Variants in N4BP2L2 observed in about 807,000 individuals in gnomAD.
N4BP2L2 encodes the protein NEDD4 binding protein 2 like 2, also known as NEDD4-binding protein 2-like 2.
In N4BP2L2, 50 loss-of-function variants were observed where a neutral mutation model predicts 56.2. That is an observed-to-expected ratio of 0.89 (90% CI 0.71 to 1.13). N4BP2L2 has a LOEUF of 1.13. Ranked by LOEUF, N4BP2L2 falls within the 50% of genes most tolerant of loss-of-function variation. N4BP2L2 has a pLI of 0.00. For synonymous variants in N4BP2L2, 203 were observed against 223.6 expected, an observed-to-expected ratio of 0.91 and a Z score of 0.82; for missense variants, 689 against 693.8, an observed-to-expected ratio of 0.99 and a Z score of 0.08.
intron 6 of N4BP2L2, chr13:32,480,511 G>T (rs1392191946): frequency 6.3e-6 from 5 of 797,608 alleles, no homozygotes; most frequent in East Asian, 6.6e-5. Context: ...ACAATAAAGA[G>T]ACTTTTTTCT....
chr13:32,452,785 A>G (rs2078312472), intron 6 of N4BP2L2, among the ~76,000 whole-genome samples: 1 of 152,250 alleles, frequency 6.6e-6, no homozygotes. Flanking sequence ...TATCATAAAC[A>G]TAATTTCTAA....
At chr13:32,506,495 T>C (rs1238168684), downstream of N4BP2L2, 1 of 152,196 alleles carries the variant, frequency 6.6e-6, no homozygotes, top group Non-Finnish European at 1.5e-5. Context: ...GCCACCATGC[T>C]AGCTGATGAC....
At chr13:32,462,839 C>CA (rs1215572453) in intron 6 of N4BP2L2, among the ~76,000 whole-genome samples, 1 of 113,618 alleles carries the variant, frequency 8.8e-6, no homozygotes, top group East Asian at 3.0e-4. Flanking sequence ...TCCTGGCCAA[C>CA]ATGGTGAAAC....
chr13:32,532,232 A>G (rs1225786536), intron 2 of N4BP2L2, among the ~76,000 whole-genome samples: 1 of 152,242 alleles, frequency 6.6e-6, no homozygotes, highest in African/African-American at 2.4e-5. Flanking sequence ...TATCCACAAT[A>G]ATCTGTAAAA....
chr13:32,537,050 A>G (rs749426746), intron 1 of N4BP2L2, 23 bp from the exon 2 acceptor site: 19 of 1,404,596 alleles, frequency 1.4e-5, no homozygotes, highest in Non-Finnish European at 1.8e-5. Flanking sequence ...TAAATCATAC[A>G]ATTACTAGCT....
intron 6 of N4BP2L2, among the ~76,000 whole-genome samples, chr13:32,500,857 AGTCTT>A (rs1187296128): frequency 6.8e-6 from 1 of 146,132 alleles, no homozygotes; most frequent in Non-Finnish European, 1.5e-5. Flanking sequence ...CTGTCACTTT[AGTCTT>A]TTCTTTTTTT....
intron 6 of N4BP2L2, among the ~76,000 whole-genome samples, chr13:32,447,347 C>T (rs1401425999): frequency 6.6e-6 from 1 of 151,820 alleles, no homozygotes; most frequent in African/African-American, 2.4e-5. Flanking sequence ...GAAAGCCAGA[C>T]TAGATGGCCC....
exon 3 of N4BP2L2, chr13:32,527,433 A>G: frequency 6.2e-7 from 1 of 1,614,042 alleles, no homozygotes; most frequent in Non-Finnish European, 8.5e-7. Flanking sequence ...AGTCATGGGC[A>G]TCACCAAGTT....
chr13:32,435,010 C>T (rs2075308984), intron 9 of N4BP2L2, among the ~76,000 whole-genome samples: 2 of 152,146 alleles, frequency 1.3e-5, no homozygotes, highest in Non-Finnish European at 2.9e-5. Context: ...ATGCTTGCTG[C>T]ATGCTGCTTG....
intron 6 of N4BP2L2, chr13:32,444,270 G>A: frequency 1.7e-6 from 1 of 592,822 alleles, no homozygotes; most frequent in Non-Finnish European, 2.6e-6. Flanking sequence ...TTCTTTGTTT[G>A]TTTGTTTGTT....
rs9567806 is a variant in N4BP2L2 at position 32,486,314 on chromosome 13, T to A, written c.365+31543A>T. ...AAATTGGAAAGAAAGAAGTAAAACA[T>A]GTCTATTTGCAGATAATAGGATCTC... On this transcript the variant is annotated intron_variant, in intron 6 of 9. Transcript: ENST00000357505. Among the ~76,000 whole-genome samples, 62 of 152,286 alleles carry A rather than the reference T, an allele frequency of 4.1e-4. 1 individual carries two copies. The East Asian group carries it at 9.1e-3, about 22-fold the overall frequency.
At chr13:32,448,625 C>A (rs1474983541) in intron 6 of N4BP2L2, among the ~76,000 whole-genome samples, 1 of 152,032 alleles carries the variant, frequency 6.6e-6, no homozygotes, top group African/African-American at 2.4e-5. Flanking sequence ...TGAACTGTGA[C>A]CTGATGACAA....
At chr13:32,524,011 T>G (rs2051883585) in intron 3 of N4BP2L2, 1 of 152,224 alleles carries the variant, frequency 6.6e-6, no homozygotes, top group Non-Finnish European at 1.5e-5. Flanking sequence ...TCTCAGGAGT[T>G]AGAATTCAAA....
intron 6 of N4BP2L2, among the ~76,000 whole-genome samples, chr13:32,448,073 G>A (rs998775956): frequency 6.6e-6 from 1 of 152,196 alleles, no homozygotes; most frequent in African/African-American, 2.4e-5. Context: ...CCAGAGACAT[G>A]TACCAGTTCT....
chr13:32,443,430 A>G (rs2076622882), exon 7 of N4BP2L2: 1 of 1,613,896 alleles, frequency 6.2e-7, no homozygotes, highest in Non-Finnish European at 8.5e-7. Flanking sequence ...CATCAGATAA[A>G]TTGGTTGTGA....
chr13:32,516,263 T>C (rs965286755), exon 6 of N4BP2L2: 1 of 152,214 alleles, frequency 6.6e-6, no homozygotes, highest in Non-Finnish European at 1.5e-5. Flanking sequence ...TAGATGAAGA[T>C]GTGTATATGT....
At chr13:32,529,140 A>G (rs748837845) in intron 2 of N4BP2L2, among the ~76,000 whole-genome samples, 3 of 152,250 alleles carry the variant, frequency 2.0e-5, no homozygotes, top group Non-Finnish European at 4.4e-5. Context: ...CTTTCAGTCC[A>G]AAGTTCGTTG....
chr13:32,517,382 T>C (rs1005029788), exon 6 of N4BP2L2: 93 of 993,878 alleles, frequency 9.4e-5, no homozygotes, highest in Non-Finnish European at 1.1e-4. Flanking sequence ...AGGTACCCTA[T>C]ACCAAGTCAG....
At chr13:32,517,627 T>C (rs1283031148) in exon 6 of N4BP2L2, 1 of 1,394,738 alleles carries the variant, frequency 7.2e-7, no homozygotes, top group East Asian at 2.6e-5. Context: ...AAAATACAAT[T>C]TCATATATTT....
Sources: gnomAD v4.1 joint callset for allele counts (sites outside exome capture counted in the v4.1 genomes callset) on GRCh38, gnomAD v4.1.1 for gene constraint, MANE v1.5 for transcripts, NCBI Gene and HGNC (gene_info 2026-07-23, HGNC 2026-07-21) for gene names.